Variants in SMIM10L3 observed in about 807,000 individuals in gnomAD.
The protein encoded by SMIM10L3 is salivary gland specific protein SAGSIN1.
chr7:6,336,473 G>A, the SMIM10L3 span, among the ~76,000 whole-genome samples: 236 of 152,206 alleles, frequency 1.6e-3, no homozygotes, highest in South Asian at 4.6e-3. Context: ...TTGAGGTCAG[G>A]AGTTTGAGAC....
At chr7:6,333,164 A>G in the SMIM10L3 span, among the ~76,000 whole-genome samples, 3 of 112,190 alleles carry the variant, frequency 2.7e-5, no homozygotes, top group Admixed American at 3.2e-4. Context: ...CCAAATAAAA[A>G]AATCAAAAAA....
the SMIM10L3 span, chr7:6,330,827 G>C: frequency 2.9e-4 from 473 of 1,614,080 alleles, no homozygotes; most frequent in Non-Finnish European, 3.9e-4. Flanking sequence ...CACTCTGTTG[G>C]AGCAGGGAAC....
chr7:6,343,449 C>G, the SMIM10L3 span, among the ~76,000 whole-genome samples: 85 of 122,528 alleles, frequency 6.9e-4, 1 homozygote, highest in Admixed American at 1.6e-3. Flanking sequence ...TATATATGAT[C>G]TAGGACTAAG....
chr7:6,344,769 C>A, the SMIM10L3 span, among the ~76,000 whole-genome samples: 146 of 152,146 alleles, frequency 9.6e-4, no homozygotes, highest in African/African-American at 3.3e-3. Flanking sequence ...GAGACGGAGT[C>A]TCACTGTGTT....
chr7:6,329,870 T>TA, the SMIM10L3 span: 1 of 169,094 alleles, frequency 5.9e-6, no homozygotes, highest in Non-Finnish European at 1.4e-5. Context: ...AGGAAAGGGG[T>TA]ATGAGAAGTG....
chr7:6,330,904 G>A, the SMIM10L3 span: 7 of 1,614,190 alleles, frequency 4.3e-6, no homozygotes, highest in Non-Finnish European at 5.9e-6. Context: ...TCTCACATAT[G>A]GAAGCACTGG....
At chr7:6,338,979 G>A in the SMIM10L3 span, among the ~76,000 whole-genome samples, 1 of 152,154 alleles carries the variant, frequency 6.6e-6, no homozygotes, top group African/African-American at 2.4e-5. Flanking sequence ...GTGAACGCTA[G>A]CACACCTTAA....
At chr7:6,343,399 T>TTC in the SMIM10L3 span, among the ~76,000 whole-genome samples, 4 of 198 alleles carry the variant, frequency 0.02, no homozygotes, top group Admixed American at 0.05. Flanking sequence ...AATAATTTCA[T>TTC]ATATATATAT....
the SMIM10L3 span, among the ~76,000 whole-genome samples, chr7:6,337,540 G>A: frequency 6.6e-6 from 1 of 151,664 alleles, no homozygotes; most frequent in Non-Finnish European, 1.5e-5. Context: ...TCAGAAAGGT[G>A]AAACATTTCT....
the SMIM10L3 span, among the ~76,000 whole-genome samples, chr7:6,345,140 CAG>C: frequency 6.6e-6 from 1 of 151,978 alleles, no homozygotes; most frequent in African/African-American, 2.4e-5. Flanking sequence ...ATTTTAGAGA[CAG>C]AGTCTCACTC....
the SMIM10L3 span, among the ~76,000 whole-genome samples, chr7:6,340,410 C>A: frequency 6.6e-6 from 1 of 152,146 alleles, no homozygotes; most frequent in African/African-American, 2.4e-5. Flanking sequence ...TGTGTACAGA[C>A]ACAGCCCCAA....
At chr7:6,331,017 C>A in the SMIM10L3 span, 1 of 1,614,150 alleles carries the variant, frequency 6.2e-7, no homozygotes, top group South Asian at 1.1e-5. Flanking sequence ...GCTTATTCAT[C>A]CAGGAGGGTG....
At chr7:6,341,511 T>C in the SMIM10L3 span, among the ~76,000 whole-genome samples, 3 of 149,492 alleles carry the variant, frequency 2.0e-5, no homozygotes, top group Middle Eastern at 6.5e-3. Context: ...GGTGAAACCC[T>C]GCCTCTACTA....
At chr7:6,340,236 TCTGA>T in the SMIM10L3 span, among the ~76,000 whole-genome samples, 2 of 152,154 alleles carry the variant, frequency 1.3e-5, no homozygotes, top group South Asian at 4.1e-4. Context: ...CAGAATCTTC[TCTGA>T]CTACTCTTCT....
chr7:6,330,403 T>C, the SMIM10L3 span: 4 of 1,613,424 alleles, frequency 2.5e-6, no homozygotes, highest in Non-Finnish European at 3.4e-6. Flanking sequence ...ATTTGCTAAT[T>C]CAAAAGGTTG....
the SMIM10L3 span, among the ~76,000 whole-genome samples, chr7:6,348,055 C>G: frequency 2.0e-5 from 3 of 151,532 alleles, no homozygotes; most frequent in African/African-American, 7.3e-5. Flanking sequence ...GGATTACAGG[C>G]ACGCGCCACC....
At chr7:6,339,712 C>T in the SMIM10L3 span, among the ~76,000 whole-genome samples, 1 of 152,030 alleles carries the variant, frequency 6.6e-6, no homozygotes, top group East Asian at 1.9e-4. Flanking sequence ...ACCTCATGAT[C>T]CACCCACCTC....
At chr7:6,335,337 C>G in the SMIM10L3 span, among the ~76,000 whole-genome samples, 1 of 151,978 alleles carries the variant, frequency 6.6e-6, no homozygotes, top group Non-Finnish European at 1.5e-5. Context: ...ATTCTCCTGC[C>G]TCAACCTCCT....
chr7:6,333,304 G>T, the SMIM10L3 span, among the ~76,000 whole-genome samples: 1 of 152,130 alleles, frequency 6.6e-6, no homozygotes, highest in East Asian at 1.9e-4. Flanking sequence ...CCGGTGATTG[G>T]AGCCAGCCGA....
Sources: allele counts gnomAD v4.1 joint callset (sites outside exome capture counted in the v4.1 genomes callset), GRCh38; gene constraint gnomAD v4.1.1; transcripts MANE v1.5; gene names NCBI Gene and HGNC (gene_info 2026-07-23, HGNC 2026-07-21).